The following LRRC4C variants were observed in gnomAD, a reference collection of about 807,000 sequenced individuals.
The protein encoded by LRRC4C is leucine rich repeat containing 4C.
In LRRC4C, 5 loss-of-function variants were observed where a neutral mutation model predicts 33.6. The ratio of observed to expected loss-of-function variants is 0.15; its 90% confidence interval spans 0.08 to 0.31. The LOEUF (loss-of-function observed/expected upper bound fraction) is 0.31, where lower values mean the gene tolerates loss of function less well. Among genes scored for constraint, LRRC4C ranks in the 10% least tolerant of loss-of-function variants. LRRC4C has a pLI of 1.00. For synonymous variants in LRRC4C, 329 were observed against 302.0 expected, an observed-to-expected ratio of 1.09 and a Z score of -0.93; for missense variants, 560 against 796.7, an observed-to-expected ratio of 0.70 and a Z score of 3.58.
chr11:41,288,837 T>C (rs542357758), intron 1 of LRRC4C, among the ~76,000 whole-genome samples: 3 of 152,312 alleles, frequency 2.0e-5, no homozygotes, highest in South Asian at 2.1e-4. Flanking sequence ...GTAGAACTCA[T>C]GGAAGCTTGC....
At chr11:40,616,509 C>A (rs2135924574) in intron 3 of LRRC4C, among the ~76,000 whole-genome samples, 1 of 151,740 alleles carries the variant, frequency 6.6e-6, no homozygotes, top group South Asian at 2.1e-4. Context: ...TGGAACCAAG[C>A]CAAATGTCCA....
intron 2 of LRRC4C, among the ~76,000 whole-genome samples, chr11:40,747,643 C>A (rs1948492785): frequency 1.3e-5 from 2 of 151,604 alleles, no homozygotes; most frequent in South Asian, 4.2e-4. Flanking sequence ...CAAAATAATT[C>A]TTAAGAGCAA....
At chr11:40,838,973 G>A (rs1186005363) in intron 2 of LRRC4C, among the ~76,000 whole-genome samples, 1 of 151,866 alleles carries the variant, frequency 6.6e-6, no homozygotes, top group Non-Finnish European at 1.5e-5. Flanking sequence ...ATTGTAATAG[G>A]ACCAATTGAG....
chr11:40,800,624 A>G (rs543562914), intron 2 of LRRC4C, among the ~76,000 whole-genome samples: 1 of 152,302 alleles, frequency 6.6e-6, no homozygotes, highest in South Asian at 2.1e-4. Context: ...GGGTTGAGGA[A>G]ATTAAGCTTT....
chr11:40,412,478 AC>A (rs1197087692), intron 3 of LRRC4C, among the ~76,000 whole-genome samples: 1 of 152,034 alleles, frequency 6.6e-6, no homozygotes, highest in Non-Finnish European at 1.5e-5. Context: ...TTTCCTTCTT[AC>A]ATGTAATGAT....
intron 3 of LRRC4C, among the ~76,000 whole-genome samples, chr11:40,426,743 A>G (rs1950730924): frequency 6.6e-6 from 1 of 152,246 alleles, no homozygotes; most frequent in South Asian, 2.1e-4. Flanking sequence ...TTCCAGGTAT[A>G]GAGAAGTTTG....
chr11:40,414,492 T>G (rs1246036732), intron 3 of LRRC4C, among the ~76,000 whole-genome samples: 1 of 152,136 alleles, frequency 6.6e-6, no homozygotes, highest in Non-Finnish European at 1.5e-5. Context: ...TAGAAAGGAC[T>G]GAAATGCATT....
chr11:40,123,703 A>G (rs1855995939), intron 6 of LRRC4C, among the ~76,000 whole-genome samples: 1 of 152,092 alleles, frequency 6.6e-6, no homozygotes, highest in South Asian at 2.1e-4. Flanking sequence ...CTGTCAAAAT[A>G]CCAAAGACAT....
chr11:40,873,602 T>C (rs1197312162), intron 2 of LRRC4C, among the ~76,000 whole-genome samples: 1 of 152,092 alleles, frequency 6.6e-6, no homozygotes, highest in Admixed American at 6.6e-5. Context: ...CAATACTCAT[T>C]TTTACACCCC....
chr11:40,238,544 C>A (rs1434188403), intron 5 of LRRC4C, among the ~76,000 whole-genome samples: 4 of 152,120 alleles, frequency 2.6e-5, no homozygotes, highest in African/African-American at 9.7e-5. Context: ...CTAAGCACAG[C>A]ATATCAAAGG....
intron 3 of LRRC4C, among the ~76,000 whole-genome samples, chr11:40,478,201 A>T (rs992786900): frequency 1.3e-5 from 2 of 152,220 alleles, no homozygotes; most frequent in African/African-American, 4.8e-5. Context: ...AGAAAAAGTC[A>T]CTGGTTCTCT....
At chr11:41,155,761 C>T (rs1944203661) in intron 1 of LRRC4C, among the ~76,000 whole-genome samples, 2 of 152,254 alleles carry the variant, frequency 1.3e-5, no homozygotes, top group South Asian at 4.1e-4. Flanking sequence ...TGTAACTAAT[C>T]TTCTGAATAA....
intron 1 of LRRC4C, among the ~76,000 whole-genome samples, chr11:41,442,552 C>T (rs1278537306): frequency 1.4e-5 from 2 of 143,708 alleles, no homozygotes; most frequent in African/African-American, 5.2e-5. Flanking sequence ...TCACTGCAAG[C>T]TCCGCCTCCT....
intron 1 of LRRC4C, among the ~76,000 whole-genome samples, chr11:41,080,342 CT>C (rs71060997): frequency 0.017 from 1,707 of 103,390 alleles, 20 homozygotes; most frequent in African/African-American, 0.059. Context: ...GAGTCTCCTC[CT>C]TTTTTTTTTT....
intron 1 of LRRC4C, among the ~76,000 whole-genome samples, chr11:41,185,486 G>T (rs1452680583): frequency 2.0e-5 from 3 of 152,136 alleles, no homozygotes; most frequent in Non-Finnish European, 4.4e-5. Context: ...CAGAAAATCT[G>T]CATGTAGTTG....
At chr11:40,841,946 A>C (rs549115878) in intron 2 of LRRC4C, among the ~76,000 whole-genome samples, 2 of 152,250 alleles carry the variant, frequency 1.3e-5, no homozygotes, top group East Asian at 3.9e-4. Flanking sequence ...CAATCATTTC[A>C]TCTTCTCTTA....
In LRRC4C at chr11:40,910,073, C is replaced by A. The variant is rs114369953; in HGVS notation, c.-407+23562G>T. 1.7e-3 allele frequency among the ~76,000 whole-genome samples: 257 copies of A among 152,094 alleles called. 2 individuals are homozygous for A. Among genetic ancestry groups the A allele is most frequent in the African/African-American group, 6.0e-3 (249 of 41,476 alleles). ...ACAATATTAAGGATCAAAATAAGAC[C>A]TGTATTTAAAACTTGTTGGTCTCTA... is the stretch of plus-strand genomic sequence containing the variant. On this transcript the variant is annotated intron_variant, in intron 2 of 6. Transcript: ENST00000528697.
At chr11:40,881,878 A>C (rs557837034) in intron 2 of LRRC4C, among the ~76,000 whole-genome samples, 2 of 152,248 alleles carry the variant, frequency 1.3e-5, no homozygotes, top group East Asian at 3.9e-4. Context: ...AATCTTATTG[A>C]ACATGAGCAA....
chr11:40,403,539 T>C (rs1949842083), intron 3 of LRRC4C, among the ~76,000 whole-genome samples: 1 of 152,042 alleles, frequency 6.6e-6, no homozygotes, highest in African/African-American at 2.4e-5. Flanking sequence ...AAACAAACAT[T>C]AACATAAGGA....
Sources: gnomAD v4.1 joint callset for allele counts (sites outside exome capture counted in the v4.1 genomes callset) on GRCh38, gnomAD v4.1.1 for gene constraint, MANE v1.5 for transcripts, NCBI Gene and HGNC (gene_info 2026-07-23, HGNC 2026-07-21) for gene names.